MTR: variants seen among roughly 807,000 people sequenced by gnomAD.
MTR encodes the protein 5-methyltetrahydrofolate-homocysteine methyltransferase, also known as methionine synthase.
Under a neutral mutation model 154.8 loss-of-function variants are expected in MTR, and 84 were observed. The observed-to-expected ratio is 0.54, with a 90% CI of 0.45 to 0.65. The LOEUF is 0.65. Among genes scored for constraint, MTR ranks in the 30% least tolerant of loss-of-function variants. The probability of loss-of-function intolerance (pLI) is 0.00; values close to 1 mark genes in which losing one functional copy is unlikely to be tolerated. For missense variants in MTR, 1,275 were observed against 1,570.2 expected (o/e 0.81, Z 3.18); for synonymous variants, 554 against 553.9 (o/e 1.00, Z 0.00).
At chr1:236,855,275 C>T (rs1296229938) in intron 18 of MTR, among the ~76,000 whole-genome samples, 1 of 152,158 alleles carries the variant, frequency 6.6e-6, no homozygotes, top group Non-Finnish European at 1.5e-5. Context: ...AAGAGTATAG[C>T]CTCTGATCTT....
chr1:236,834,057 G>A (rs1662766546), intron 13 of MTR, among the ~76,000 whole-genome samples: 1 of 152,108 alleles, frequency 6.6e-6, no homozygotes, highest in Non-Finnish European at 1.5e-5. Context: ...ACTGTGACAT[G>A]TGCCTCCATC....
At chr1:236,884,460 T>C (rs189858523) in intron 25 of MTR, among the ~76,000 whole-genome samples, 21 of 152,294 alleles carry the variant, frequency 1.4e-4, no homozygotes, top group African/African-American at 4.6e-4. Context: ...AACACTGTTA[T>C]GACCATGGTT....
At chr1:236,811,149 A>G (rs1210615454) in intron 5 of MTR, among the ~76,000 whole-genome samples, 2 of 152,198 alleles carry the variant, frequency 1.3e-5, no homozygotes, top group African/African-American at 4.8e-5. Flanking sequence ...GTAGCAGGCA[A>G]AGAGAAAGCT....
rs769184756 is a variant in MTR at position 236,803,419 on chromosome 1, T to C, written c.35-9T>C. On this transcript the variant is annotated splice_polypyrimidine_tract_variant and intron_variant, in intron 1 of 32. Coordinates refer to ENST00000366577, the MANE Select transcript of MTR (RefSeq NM_000254.3). ...ATTCTTTGAAGTCAAACTTTCACTT[T>C]CTTTAAAGAAGGTCTGAAGAAAACC... 2 of 1,613,586 alleles carry C rather than the reference T, an allele frequency of 1.2e-6. No individual in the cohort carries two copies. Among genetic ancestry groups the C allele is most frequent in the South Asian group, 2.2e-5 (2 of 91,072 alleles).
chr1:236,821,190 A>G (rs1399761008), intron 8 of MTR, among the ~76,000 whole-genome samples: 1 of 152,264 alleles, frequency 6.6e-6, no homozygotes, highest in Non-Finnish European at 1.5e-5. Flanking sequence ...GCTTCGTAGC[A>G]TGGCAGAAAA....
chr1:236,798,777 C>T (rs1398995360), intron 1 of MTR, among the ~76,000 whole-genome samples: 2 of 152,136 alleles, frequency 1.3e-5, no homozygotes, highest in Non-Finnish European at 2.9e-5. Context: ...ACAGAATGTT[C>T]TAGACCTAAT....
chr1:236,800,947 C>A (rs918956831), intron 1 of MTR, among the ~76,000 whole-genome samples: 7 of 152,180 alleles, frequency 4.6e-5, no homozygotes, highest in Admixed American at 2.6e-4. Context: ...GGAGCTGGGG[C>A]TAAAACCCAG....
intron 22 of MTR, among the ~76,000 whole-genome samples, chr1:236,871,939 T>C (rs3820569): frequency 0.042 from 6,336 of 152,034 alleles, 402 homozygotes; most frequent in East Asian, 0.2. Flanking sequence ...TGCCCCAGCG[T>C]TCAGCACCCA....
At position 236,883,336 on chromosome 1, in the gene MTR, G is replaced by T. The variant is rs566420558; in HGVS notation, c.2677-1785G>T. Among the ~76,000 whole-genome samples the T allele has an allele frequency of 3.9e-5, 6 of 152,296 alleles. No individual in the cohort carries two copies. The South Asian group carries it at 1.2e-3, about 32-fold the overall frequency. On this transcript the variant is annotated intron_variant, in intron 25 of 32. Transcript: ENST00000366577. ...GAACTTGTTTCCGTCAAGTAAGTCA[G>T]ACTGGGCCAGAAGGGGCCTGCCACT...
At chr1:236,893,780 A>G (rs1666465922) in intron 29 of MTR, among the ~76,000 whole-genome samples, 1 of 152,036 alleles carries the variant, frequency 6.6e-6, no homozygotes, top group African/African-American at 2.4e-5. Flanking sequence ...ATCCTGCTGA[A>G]TTCTTGGTTT....
rs114544454 is a variant in MTR at position 236,858,410 on chromosome 1, G to C, written c.1954-1423G>C. ...ACTGGGTCCCTCCCACGACGTGTGG[G>C]AATTGTGGGAGCTACAATTCAAGAT... is the stretch of plus-strand genomic sequence containing the variant. On this transcript the variant is annotated intron_variant, in intron 18 of 32. Coordinates refer to ENST00000366577, the MANE Select transcript of MTR (RefSeq NM_000254.3). Among the ~76,000 whole-genome samples, 619 of 152,270 alleles carry C rather than the reference G, an allele frequency of 4.1e-3. 4 individuals carry two copies. Among genetic ancestry groups the C allele is most frequent in the African/African-American group, 0.014 (600 of 41,550 alleles).
Position 236,890,210 on chromosome 1 carries a change from G to A in MTR, c.3007+874G>A, listed in dbSNP as rs934039745. On this transcript the variant is annotated intron_variant, in intron 28 of 32. Transcript: ENST00000366577. ...GACTCAGGAACTCTCAGGTAGTCAGGAACGTGGTGATGAGCAAGGGGCTTC... is the reference window on the plus strand; with the variant it reads ...GACTCAGGAACTCTCAGGTAGTCAGAAACGTGGTGATGAGCAAGGGGCTTC... 8.5e-5 allele frequency among the ~76,000 whole-genome samples: 13 copies of A among 152,268 alleles called. 1 individual carries two copies. Among genetic ancestry groups the A allele is most frequent in the Admixed American group, 7.2e-4 (11 of 15,294 alleles).
intron 27 of MTR, among the ~76,000 whole-genome samples, chr1:236,887,398 C>T (rs2147926216): frequency 6.6e-6 from 1 of 152,186 alleles, no homozygotes; most frequent in East Asian, 1.9e-4. Flanking sequence ...ACAGTTTTTA[C>T]CACGTAAAAA....
In MTR at chr1:236,832,413, T is replaced by TAGGGAA. The variant is rs532490275; in HGVS notation, c.1188+344_1188+349dup. On this transcript the variant is annotated intron_variant, in intron 13 of 32. Coordinates refer to ENST00000366577, the MANE Select transcript of MTR (RefSeq NM_000254.3). ...TATTTTGTCTTCTCACAAATCCTTCTAGGGAAAGGGAAAGACAAGAAAATT... is the reference window on the plus strand; with the variant it reads ...TATTTTGTCTTCTCACAAATCCTTCTAGGGAAAGGGAAAGGGAAAGACAAGAAAATT... 1.2e-4 allele frequency among the ~76,000 whole-genome samples: 18 copies of TAGGGAA among 152,334 alleles called. No individual in the cohort carries two copies. In the East Asian group the frequency reaches 3.3e-3, roughly 28 times the overall value.
Position 236,802,678 on chromosome 1 carries a change from T to TA in MTR, c.35-740dup, listed in dbSNP as rs71559983. 1.9e-3 allele frequency among the ~76,000 whole-genome samples: 273 copies of TA among 147,134 alleles called. 1 individual carries two copies. Among genetic ancestry groups the TA allele is most frequent in the African/African-American group, 4.5e-3 (183 of 40,242 alleles). ...AGTGAGGAGGAAAAGGATTTGGTGC[T>TA]AAAAAAAAAAGTAGAAATTGGGACA... On this transcript the variant is annotated intron_variant, in intron 1 of 32. Coordinates refer to ENST00000366577, the MANE Select transcript of MTR (RefSeq NM_000254.3).
At chr1:236,887,945 T>C (rs953957337) in intron 27 of MTR, among the ~76,000 whole-genome samples, 2 of 152,216 alleles carry the variant, frequency 1.3e-5, no homozygotes, top group Non-Finnish European at 2.9e-5. Flanking sequence ...TAGATTCCTT[T>C]TAGTTTCTCT....
chr1:236,820,258 G>T (rs1163568074), intron 8 of MTR: 8 of 753,902 alleles, frequency 1.1e-5, no homozygotes, highest in African/African-American at 6.8e-5. Context: ...AGATCCTGAA[G>T]AGATTGAAAA....
chr1:236,839,993 G>A (rs1013637012), intron 15 of MTR, among the ~76,000 whole-genome samples: 1 of 152,140 alleles, frequency 6.6e-6, no homozygotes, highest in African/African-American at 2.4e-5. Context: ...GAATTTGATG[G>A]TTGTCAACTG....
chr1:236,800,473 T>C, intron 1 of MTR: 3 of 985,424 alleles, frequency 3.0e-6, no homozygotes, highest in Non-Finnish European at 3.6e-6. Flanking sequence ...CAGCTGGGCA[T>C]GTAGGTTAGA....
Sources: gnomAD v4.1 joint callset for allele counts (sites outside exome capture counted in the v4.1 genomes callset) on GRCh38, gnomAD v4.1.1 for gene constraint, MANE v1.5 for transcripts, NCBI Gene and HGNC (gene_info 2026-07-23, HGNC 2026-07-21) for gene names.